TET2: variants seen among roughly 807,000 people sequenced by gnomAD.
TET2 encodes the protein tet methylcytosine dioxygenase 2.
TET2 carries 299 observed loss-of-function variants against 142.9 expected under a neutral mutation model. The ratio of observed to expected loss-of-function variants is 2.09; its 90% CI spans 1.90 to 2.30. The LOEUF is 2.30. TET2 is among the 30% of genes most tolerant of loss of function. The pLI is 0.00. For missense variants in TET2, 2,418 were observed against 2,378.0 expected (o/e 1.02, Z -0.35); for synonymous variants, 819 against 849.0 (o/e 0.96, Z 0.61).
chr4:105,262,992 G>A (rs1010185536), intron 8 of TET2, among the ~76,000 whole-genome samples: 7 of 151,728 alleles, frequency 4.6e-5, no homozygotes, highest in Non-Finnish European at 7.4e-5. Context: ...TTGCATCACT[G>A]TGCTCCATCC....
chr4:105,217,523 C>G (rs550574759), intron 2 of TET2, among the ~76,000 whole-genome samples: 4 of 152,156 alleles, frequency 2.6e-5, no homozygotes, highest in Admixed American at 6.6e-5. Flanking sequence ...CATGGAAATA[C>G]TGTTTATTCA....
At chr4:105,152,996 A>G (rs1723383541) in intron 1 of TET2, among the ~76,000 whole-genome samples, 1 of 152,172 alleles carries the variant, frequency 6.6e-6, no homozygotes, top group African/African-American at 2.4e-5. Context: ...TTTAATTTCT[A>G]CAGGCTATGG....
intron 3 of TET2, chr4:105,239,074 G>GTTTGTTTT (rs1553914849): frequency 4.2e-5 from 9 of 211,938 alleles, no homozygotes; most frequent in Non-Finnish European, 6.9e-5. Flanking sequence ...TTTGTTTTTT[G>GTTTGTTTT]TTTTTTTTTT....
intron 2 of TET2, among the ~76,000 whole-genome samples, chr4:105,201,820 C>T (rs1260349977): frequency 7.1e-6 from 1 of 141,114 alleles, no homozygotes; most frequent in African/African-American, 2.6e-5. Context: ...AGGCTCACTG[C>T]AGCCTCAACT....
chr4:105,234,201 A>G lies in TET2; in HGVS notation c.259A>G (p.Lys87Glu). The part of the protein sequence containing the change: ...DFTQESRGYS[K>E]CLQNGGIKRT... ...TACACAAGAAAGTAGAGGGTATTCC[A>G]AGTGTTTGCAAAATGGAGGAATAAA... Residue 87 changes from lysine to glutamate, a missense_variant, in exon 3 of 11, where the codon AAG becomes GAG. Physicochemically the swap from Lys to Glu is moderately conservative, Grantham distance 56. Coordinates refer to ENST00000380013, the MANE Select transcript of TET2 (RefSeq NM_001127208.3). 6.2e-7 allele frequency: 1 copy of G among 1,614,158 alleles called. No homozygotes were observed. The highest frequency in any genetic ancestry group is 8.5e-7 in the Non-Finnish European group (1 of 1,180,018).
Position 105,275,763 on chromosome 4 carries a change from T to C in TET2, c.5253T>C (p.Tyr1751=), listed in dbSNP as rs1560573932. The C allele has an allele frequency of 6.4e-7, 1 of 1,551,586 alleles. No individual in the cohort carries two copies. The highest frequency in any genetic ancestry group is 1.4e-5 in the African/African-American group (1 of 73,020). Residue 1751 remains tyrosine, a synonymous_variant, in exon 11 of 11, where the codon TAT becomes TAC. Coordinates refer to ENST00000380013, the MANE Select transcript of TET2 (RefSeq NM_001127208.3). ...ATCTGAGCAATCCAAACATGGACTA[T>C]AAAAATGGTGAACATCATTCACCTT... ...PPNLSNPNMD[Y]KNGEHHSPSH... is the part of the protein sequence containing the mutation.
In TET2 at chr4:105,237,250, AT is replaced by A. The variant is rs747350265; in HGVS notation, c.3312del (p.Phe1104LeufsTer2). 7 of 1,614,098 alleles carry A rather than the reference AT, an allele frequency of 4.3e-6. No individual in the cohort carries two copies. Among genetic ancestry groups the A allele is most frequent in the Non-Finnish European group, 5.9e-6 (7 of 1,179,972 alleles). ...TKRTAASVLNNFIESPSKLLD... is the reference protein window; with the variant it reads ...TKRTAASVLNXFIESPSKLLD... ...AGAACAGCTGCTTCTGTTCTCAATA[AT>A]TTTATAGAGTCACCTTCCAAATTAC... On this transcript the variant is annotated frameshift_variant, in exon 3 of 11. Transcript: ENST00000380013. LOFTEE classifies it high-confidence loss of function.
intron 1 of TET2, among the ~76,000 whole-genome samples, chr4:105,166,959 T>C (rs1328132697): frequency 1.3e-5 from 2 of 152,134 alleles, no homozygotes; most frequent in African/African-American, 2.4e-5. Context: ...TTCTGTACAA[T>C]CTGGAAACAA....
chr4:105,224,850 G>GA (rs778336147), intron 2 of TET2, among the ~76,000 whole-genome samples: 3 of 151,580 alleles, frequency 2.0e-5, no homozygotes, highest in Non-Finnish European at 4.4e-5. Context: ...TAGAATTTCT[G>GA]AAAAAAATGG....
At chr4:105,191,336 C>T (rs969995067) in intron 2 of TET2, among the ~76,000 whole-genome samples, 3 of 152,160 alleles carry the variant, frequency 2.0e-5, no homozygotes, top group East Asian at 1.9e-4. Context: ...ACCATTTTCT[C>T]ATATATGCAT....
intron 6 of TET2, among the ~76,000 whole-genome samples, chr4:105,249,033 C>T (rs1298372628): frequency 2.2e-5 from 3 of 138,238 alleles, no homozygotes; most frequent in African/African-American, 8.1e-5. Context: ...TATATATTCA[C>T]ACCACATTTT....
Position 105,236,520 on chromosome 4 carries a change from CAA to C in TET2, c.2581_2582del (p.Asn861LeufsTer10), listed in dbSNP as rs1423923476. 1 of 1,614,058 alleles carries C rather than the reference CAA, an allele frequency of 6.2e-7. No homozygotes were observed. On this transcript the variant is annotated frameshift_variant, in exon 3 of 11. Transcript: ENST00000380013. LOFTEE classifies it high-confidence loss of function. ...HPELFAGNKT[Q>X]NLHHMQYFPN... The stretch of plus-strand genomic sequence containing the variant: ...TGAACTTTTTGCAGGAAACAAGACC[CAA>C]AACTTGCATCACATGCAATATTTTC...
chr4:105,211,008 C>T (rs1727125239), intron 2 of TET2, among the ~76,000 whole-genome samples: 1 of 152,174 alleles, frequency 6.6e-6, no homozygotes, highest in South Asian at 2.1e-4. Flanking sequence ...CTTTACTCCT[C>T]CATGGCCTTT....
At chr4:105,247,495 T>A (rs1729635304) in intron 6 of TET2, among the ~76,000 whole-genome samples, 1 of 152,186 alleles carries the variant, frequency 6.6e-6, no homozygotes, top group Admixed American at 6.5e-5. Context: ...ATTTAGAAGA[T>A]AAATTCTGTG....
At chr4:105,148,695 G>A (rs1723155251) in intron 1 of TET2, among the ~76,000 whole-genome samples, 1 of 152,214 alleles carries the variant, frequency 6.6e-6, no homozygotes, top group South Asian at 2.1e-4. Flanking sequence ...GCTTAATAAT[G>A]TTTGGAATAG....
intron 2 of TET2, among the ~76,000 whole-genome samples, chr4:105,222,960 T>G (rs1727937665): frequency 6.6e-6 from 1 of 152,226 alleles, no homozygotes; most frequent in South Asian, 2.1e-4. Flanking sequence ...CAGCACCATT[T>G]ATTAAATAGG....
rs746918138 is a variant in TET2 at position 105,235,914 on chromosome 4, C to T, written c.1972C>T (p.His658Tyr). 2.5e-6 allele frequency: 4 copies of T among 1,614,030 alleles called. No homozygotes were observed. The East Asian group carries it at 8.9e-5, about 36-fold the overall frequency. Residue 658 changes from histidine to tyrosine, a missense_variant, in exon 3 of 11, where the codon CAC becomes TAC. Coordinates refer to ENST00000380013, the MANE Select transcript of TET2 (RefSeq NM_001127208.3). ...DQHLQFQKPS[H>Y]QVHFSKTDHL... is the part of the protein sequence containing the mutation. ...ACATCTCCAGTTCCAAAAACCCTCA[C>T]ACCAGGTGCACTTCTCCAAAACAGA...
chr4:105,210,162 C>T (rs1052697694), intron 2 of TET2, among the ~76,000 whole-genome samples: 6 of 152,100 alleles, frequency 3.9e-5, no homozygotes, highest in African/African-American at 1.4e-4. Context: ...ATGGGACATA[C>T]AGGTACAGAT....
At chr4:105,187,162 T>G (rs1432167822) in intron 1 of TET2, among the ~76,000 whole-genome samples, 2 of 152,182 alleles carry the variant, frequency 1.3e-5, no homozygotes, top group East Asian at 3.9e-4. Context: ...AAGCACCACC[T>G]TGGTATAGTT....
Sources: allele counts gnomAD v4.1 joint callset (sites outside exome capture counted in the v4.1 genomes callset), GRCh38; gene constraint gnomAD v4.1.1; transcripts MANE v1.5; gene names NCBI Gene and HGNC (gene_info 2026-07-23, HGNC 2026-07-21).